The following CREB1 variants were observed in gnomAD, a reference collection of about 807,000 sequenced individuals.
CREB1 encodes the protein cyclic AMP-responsive element-binding protein 1.
In CREB1, 2 loss-of-function variants were observed where a neutral mutation model predicts 42.0. That is an observed-to-expected ratio of 0.05 (90% CI 0.02 to 0.15). The LOEUF (loss-of-function observed/expected upper bound fraction) is 0.15. CREB1 is among the 10% of genes least tolerant of loss of function. The pLI is 1.00. For synonymous variants in CREB1, 123 were observed against 139.9 expected (o/e 0.88, Z 0.85); for missense variants, 199 against 388.9 (o/e 0.51, Z 4.11).
chr2:207,543,058 A>G (rs1488156356), intron 1 of CREB1, among the ~76,000 whole-genome samples: 1 of 152,230 alleles, frequency 6.6e-6, no homozygotes, highest in East Asian at 1.9e-4. Context: ...ATAAAGTGGT[A>G]TAGTATTTGC....
At chr2:207,545,530 A>C (rs1042472470) in intron 1 of CREB1, among the ~76,000 whole-genome samples, 2 of 151,760 alleles carry the variant, frequency 1.3e-5, no homozygotes, top group Admixed American at 1.3e-4. Context: ...AGGTTCTTAT[A>C]TGTTTTATGC....
At chr2:207,548,340 A>G (rs1041064412) in intron 1 of CREB1, among the ~76,000 whole-genome samples, 5 of 152,230 alleles carry the variant, frequency 3.3e-5, no homozygotes, top group Non-Finnish European at 7.3e-5. Context: ...ATGGCATTCA[A>G]ATACCCTGGT....
chr2:207,569,677 A>G (rs935562317), intron 4 of CREB1, among the ~76,000 whole-genome samples: 11 of 151,598 alleles, frequency 7.3e-5, no homozygotes, highest in Admixed American at 1.3e-4. Context: ...GTTTTTGTAC[A>G]TATTTGGGTT....
intron 7 of CREB1, chr2:207,582,044 G>A (rs976442188): frequency 2.0e-5 from 14 of 699,792 alleles, no homozygotes; most frequent in Non-Finnish European, 3.7e-5. Context: ...ATACATAATT[G>A]GCGATATTAA....
intron 6 of CREB1, chr2:207,576,568 A>T (rs1198316868): frequency 1.7e-6 from 1 of 596,952 alleles, no homozygotes; most frequent in African/African-American, 1.9e-5. Flanking sequence ...TTAAACGAGT[A>T]TTTGAAAAAG....
At position 207,604,670 on chromosome 2, in the gene CREB1, AACC is replaced by A. The variant is rs147476972; in HGVS notation, c.*7618_*7620del. Among the ~76,000 whole-genome samples, 1,890 of 152,330 alleles carry A rather than the reference AACC, an allele frequency of 0.012. 23 individuals carry two copies. The highest frequency in any genetic ancestry group is 0.03 in the African/African-American group (1,244 of 41,562). On this transcript the variant is annotated 3_prime_UTR_variant, in exon 8 of 8. Transcript: ENST00000353267. ...TGGTAGTACATCCACAATGGTGTAC[AACC>A]ACCACTTCTATCTAGCTCCAAAACA...
chr2:207,582,098 T>A (rs2083040616), intron 7 of CREB1: 2 of 702,736 alleles, frequency 2.8e-6, no homozygotes, highest in Admixed American at 4.0e-5. Flanking sequence ...TCTCCACTGT[T>A]GAGCTACCAT....
rs2086497405 is a variant in CREB1, at chr2:207,598,292, TTTG to T, written c.*1237_*1239del. On this transcript the variant is annotated 3_prime_UTR_variant, in exon 8 of 8. Coordinates refer to ENST00000353267, the MANE Select transcript of CREB1 (RefSeq NM_004379.5). ...GATTGTCATTCTTACAAAACATTTT[TTTG>T]TTCTCTTGTAAAAAGAGTAGTTATT... 1 of 183,238 alleles carries T rather than the reference TTTG, an allele frequency of 5.5e-6. No individual in the cohort carries two copies. The highest frequency in any genetic ancestry group is 1.2e-5 in the Non-Finnish European group (1 of 86,020). 11.4% of individuals were successfully genotyped at this position (183,238 alleles called of 1,614,324 possible).
intron 1 of CREB1, among the ~76,000 whole-genome samples, chr2:207,554,741 T>C (rs2106449517): frequency 6.6e-6 from 1 of 152,302 alleles, no homozygotes; most frequent in South Asian, 2.1e-4. Flanking sequence ...AATTTTACAA[T>C]TAAAATATAT....
rs147513661 is a variant in CREB1, at chr2:207,596,439, G to C, written c.840-475G>C. Among the ~76,000 whole-genome samples, 815 of 150,366 alleles carry C rather than the reference G, an allele frequency of 5.4e-3. 3 individuals are homozygous for C. The highest frequency in any genetic ancestry group is 8.2e-3 in the Non-Finnish European group (556 of 67,688). Reference sequence around the variant, plus strand: ...TGTTTGTTTATGGAGTTGTTTTTTTGTTTGTTTCTTTGAGACGGAGTCTCA... The same window carrying C: ...TGTTTGTTTATGGAGTTGTTTTTTTCTTTGTTTCTTTGAGACGGAGTCTCA... On this transcript the variant is annotated intron_variant, in intron 7 of 7. Coordinates refer to ENST00000353267, the MANE Select transcript of CREB1 (RefSeq NM_004379.5).
At chr2:207,570,487 G>T (rs1233894806) in intron 5 of CREB1, among the ~76,000 whole-genome samples, 166 bp downstream of exon 5, 1 of 152,160 alleles carries the variant, frequency 6.6e-6, no homozygotes, top group African/African-American at 2.4e-5. Flanking sequence ...GTCTGTAATG[G>T]TAGTATTTTC....
intron 1 of CREB1, among the ~76,000 whole-genome samples, chr2:207,537,958 G>T (rs1009266373): frequency 1.3e-5 from 2 of 152,082 alleles, no homozygotes; most frequent in Admixed American, 1.3e-4. Flanking sequence ...GCTATCTTGG[G>T]GATGGGACCC....
chr2:207,560,285 G>C lies in CREB1; in HGVS notation c.174G>C (p.Leu58=), dbSNP rs774110310. Residue 58 remains leucine (L), a synonymous_variant, in exon 3 of 8, where the codon CTG becomes CTC. Coordinates refer to ENST00000353267, the MANE Select transcript of CREB1 (RefSeq NM_004379.5). ...CTCCCACCGTAACTCTAGTACAGCT[G>C]CCCAATGGGCAGACAGTTCAAGTCC... ...SSAPTVTLVQ[L]PNGQTVQVHG... 6.8e-6 allele frequency: 11 copies of C among 1,614,042 alleles called. No individual in the cohort carries two copies. Among genetic ancestry groups the C allele is most frequent in the Non-Finnish European group, 9.3e-6 (11 of 1,179,932 alleles).
rs745624089 is a variant in CREB1 at position 207,596,893 on chromosome 2, CCCGT to C, written c.840-18_840-15del. ...TGTGGAAATCATTTGCATAATTTTT[CCCGT>C]CCTCTTTTGCTTGTAGGGAAGCAGC... On this transcript the variant is annotated splice_polypyrimidine_tract_variant and intron_variant, in intron 7 of 7. Transcript: ENST00000353267. 8.2e-6 allele frequency: 13 copies of C among 1,587,174 alleles called. No homozygotes were observed. The highest frequency in any genetic ancestry group is 1.1e-5 in the Non-Finnish European group (13 of 1,173,298).
chr2:207,554,520 A>G (rs2081638987), intron 1 of CREB1, among the ~76,000 whole-genome samples: 2 of 152,234 alleles, frequency 1.3e-5, no homozygotes. Context: ...AATAGGCACT[A>G]GAAACATTGC....
At chr2:207,576,166 T>C (rs1444947360) in intron 6 of CREB1, among the ~76,000 whole-genome samples, 1 of 150,476 alleles carries the variant, frequency 6.6e-6, no homozygotes, top group Non-Finnish European at 1.5e-5. Flanking sequence ...CTTATACCAA[T>C]ATGCAAATCT....
chr2:207,534,635 ATG>A (rs1047032265), intron 1 of CREB1: 22 of 152,246 alleles, frequency 1.4e-4, no homozygotes, highest in Admixed American at 1.4e-3. Flanking sequence ...AAGGCAAAAT[ATG>A]TGTCAAAAGA....
chr2:207,537,297 C>G (rs2080914703), intron 1 of CREB1, among the ~76,000 whole-genome samples: 1 of 152,060 alleles, frequency 6.6e-6, no homozygotes, highest in African/African-American at 2.4e-5. Flanking sequence ...CTCTGCCTCC[C>G]AAAGTGGTGG....
chr2:207,587,355 C>T (rs200158435), intron 7 of CREB1, among the ~76,000 whole-genome samples: 10 of 149,738 alleles, frequency 6.7e-5, no homozygotes, highest in East Asian at 2.0e-4. Flanking sequence ...ATCGCACCAC[C>T]GCACTACAGC....
Sources: gnomAD v4.1 joint callset for allele counts (sites outside exome capture counted in the v4.1 genomes callset) on GRCh38, gnomAD v4.1.1 for gene constraint, MANE v1.5 for transcripts, NCBI Gene and HGNC (gene_info 2026-07-23, HGNC 2026-07-21) for gene names.